YARS2: variants seen among roughly 807,000 people sequenced by gnomAD.
YARS2 encodes the protein tyrosine--tRNA ligase, mitochondrial.
YARS2 carries 38 observed loss-of-function variants against 45.0 expected under a neutral mutation model. The observed-to-expected ratio is 0.84, with a 90% CI of 0.65 to 1.11. The LOEUF is 1.11. YARS2 is among the 50% of genes least tolerant of loss of function. The pLI, the probability that YARS2 is intolerant of heterozygous loss-of-function variation, is 0.00. For synonymous variants in YARS2, 287 were observed against 245.1 expected (o/e 1.17, Z -1.60); for missense variants, 602 against 599.8 (o/e 1.00, Z -0.04).
At chr12:32,748,537 C>A (rs1335399961) in intron 4 of YARS2, among the ~76,000 whole-genome samples, 2 of 152,042 alleles carry the variant, frequency 1.3e-5, no homozygotes, top group Non-Finnish European at 2.9e-5. Context: ...AGTGGTAAAG[C>A]TTCCAGTATT....
intron 2 of YARS2, among the ~76,000 whole-genome samples, chr12:32,751,420 C>T (rs1955742813): frequency 6.6e-6 from 1 of 151,954 alleles, no homozygotes; most frequent in African/African-American, 2.4e-5. Context: ...GGCCGCAGTC[C>T]AATCACATTC....
At position 32,755,467 on chromosome 12, in the gene YARS2, G is replaced by A; in HGVS notation, c.408C>T (p.Arg136=). ...TKEREALETE[R]VRANARALRL... ...GCAGAGCTCGCGCGTTGGCTCGCAC[G>A]CGCTCTGTCTCCAGCGCCTCGCGTT... Residue 136 remains arginine, a synonymous_variant, in exon 1 of 5, where the codon CGC becomes CGT. Transcript: ENST00000324868. 1 of 1,612,412 alleles carries A rather than the reference G, an allele frequency of 6.2e-7. No individual in the cohort carries two copies. Among genetic ancestry groups the A allele is most frequent in the Non-Finnish European group, 8.5e-7 (1 of 1,179,528 alleles).
chr12:32,755,009 G>T, intron 1 of YARS2, 87 bp downstream of exon 1: 1 of 1,549,440 alleles, frequency 6.5e-7, no homozygotes. Context: ...ACGAAGGGCA[G>T]CAACTACAAT....
chr12:32,750,846 G>A lies in YARS2; in HGVS notation c.976C>T (p.Leu326Phe), dbSNP rs183321767. The A allele has an allele frequency of 1.2e-6, 2 of 1,614,090 alleles. No homozygotes were observed. The highest frequency in any genetic ancestry group is 2.7e-5 in the African/African-American group (2 of 75,030). ...RYLKLFTFLP[L>F]PEIDHIMQLH... Reference sequence around the variant, plus strand: ...TGCATGATATGATCAATCTCTGGAAGGGGCAGGAAAGTGAACAGCTTCAGG... The same window carrying A: ...TGCATGATATGATCAATCTCTGGAAAGGGCAGGAAAGTGAACAGCTTCAGG... The change falls in exon 3 of 5, where the codon CTT becomes TTT. Residue 326 changes from leucine (L) to phenylalanine (F), a missense_variant. Transcript: ENST00000324868.
chr12:32,750,684 C>G (rs781258183), intron 3 of YARS2, 35 bp downstream of exon 3: 4 of 1,608,314 alleles, frequency 2.5e-6, no homozygotes, highest in Non-Finnish European at 3.4e-6. Flanking sequence ...CACTGAATAA[C>G]TAACTATCAA....
intron 4 of YARS2, among the ~76,000 whole-genome samples, chr12:32,749,328 G>GAT (rs1955696016): frequency 6.6e-6 from 1 of 152,140 alleles, no homozygotes; most frequent in Admixed American, 6.5e-5. Context: ...GCCGTACACT[G>GAT]ATGCCAGTGT....
intron 2 of YARS2, among the ~76,000 whole-genome samples, chr12:32,751,079 T>C (rs1055767566): frequency 6.6e-6 from 1 of 151,778 alleles, no homozygotes; most frequent in African/African-American, 2.4e-5. Flanking sequence ...TTCTTTTTTT[T>C]TTTTTTGAGA....
chr12:32,747,493 C>G lies in YARS2; in HGVS notation c.1275-130G>C, dbSNP rs1242481393. ...GATTTCATTTGGCACTGGACTGTTA[C>G]CTTCATGTTTGCTCTATTATTAATA... On this transcript the variant is annotated intron_variant, in intron 4 of 4. Transcript: ENST00000324868. 6.8e-6 allele frequency: 6 copies of G among 888,168 alleles called. No individual in the cohort carries two copies. In the African/African-American group the frequency reaches 8.4e-5, roughly 12 times the overall value. 55.0% of individuals were successfully genotyped at this position (888,168 alleles called of 1,614,324 possible).
chr12:32,750,944 T>C, intron 2 of YARS2, 70 bp from the exon 3 acceptor site: 5 of 1,560,120 alleles, frequency 3.2e-6, no homozygotes, highest in Non-Finnish European at 4.4e-6. Flanking sequence ...TCTTCTACCC[T>C]TTAAGGTTAT....
chr12:32,754,944 G>C, intron 1 of YARS2, 152 bp downstream of exon 1: 1 of 950,770 alleles, frequency 1.1e-6, no homozygotes, highest in Non-Finnish European at 1.7e-6. Context: ...TTATTAGCCA[G>C]TGTTATTAAC....
chr12:32,751,876 G>A lies in YARS2; in HGVS notation c.948-1002C>T, dbSNP rs189103631. ...CTGTTGCGCAGCCCTGTTCCTAACAGGCCACGGACTGGTACAGTCCAACAG... is the reference window on the plus strand; with the variant it reads ...CTGTTGCGCAGCCCTGTTCCTAACAAGCCACGGACTGGTACAGTCCAACAG... On this transcript the variant is annotated intron_variant, in intron 2 of 4. Transcript: ENST00000324868. Among the ~76,000 whole-genome samples, 13 of 152,312 alleles carry A rather than the reference G, an allele frequency of 8.5e-5. No individual in the cohort carries two copies. The East Asian group carries it at 1.9e-3, about 23-fold the overall frequency.
Position 32,750,811 on chromosome 12 carries a change from G to C in YARS2, c.1011C>G (p.Val337=). ...GAGGACCCCGCCTTTCTGGCTCTTT[G>C]ACATGCAGCTGCATGATATGATCAA... is the stretch of plus-strand genomic sequence containing the variant. ...PEIDHIMQLH[V]KEPERRGPQK... is the part of the protein sequence containing the mutation. Residue 337 remains valine (V), a synonymous_variant, in exon 3 of 5, where the codon GTC becomes GTG. Transcript: ENST00000324868. 2 of 1,614,150 alleles carry C rather than the reference G, an allele frequency of 1.2e-6. No individual in the cohort carries two copies. The highest frequency in any genetic ancestry group is 2.2e-5 in the South Asian group (2 of 91,078).
In YARS2 at chr12:32,755,527, C is replaced by CGTGGCGCCTCCCACCAGCGCGATCACGTT; in HGVS notation, c.319_347dup (p.Ala117ThrfsTer2). 6.2e-7 allele frequency: 1 copy of CGTGGCGCCTCCCACCAGCGCGATCACGTT among 1,613,086 alleles called. No homozygotes were observed. Among genetic ancestry groups the CGTGGCGCCTCCCACCAGCGCGATCACGTT allele is most frequent in the Non-Finnish European group, 8.5e-7 (1 of 1,179,722 alleles). On this transcript the variant is annotated stop_gained and frameshift_variant, in exon 1 of 5. Transcript: ENST00000324868. LOFTEE classifies it high-confidence loss of function. ...GGCCGCTCGGGTCTCCCAGGCGCGCCGTGGCGCCTCCCACCAGCGCGATCA... is the reference window on the plus strand; with the variant it reads ...GGCCGCTCGGGTCTCCCAGGCGCGCCGTGGCGCCTCCCACCAGCGCGATCACGTTGTGGCGCCTCCCACCAGCGCGATCA...
chr12:32,750,084 C>T lies in YARS2; in HGVS notation c.1127G>A (p.Ser376Asn). 3 of 1,614,070 alleles carry T rather than the reference C, an allele frequency of 1.9e-6. No individual in the cohort carries two copies. Among genetic ancestry groups the T allele is most frequent in the South Asian group, 1.1e-5 (1 of 91,086 alleles). The change falls in exon 4 of 5, where the codon AGT (serine) becomes AAT (asparagine). Residue 376 changes from serine to asparagine, a missense_variant. Coordinates refer to ENST00000324868, the MANE Select transcript of YARS2 (RefSeq NM_001040436.3). The stretch of plus-strand genomic sequence containing the variant: ...CATGACCTCCAGTGCATCTATGCTA[C>T]TGTGATAAAGGGCTTGTGTACACCT... ...AKRCTQALYH[S>N]SIDALEVMSD... is the part of the protein sequence containing the mutation.
At chr12:32,751,573 G>A (rs997778663) in intron 2 of YARS2, among the ~76,000 whole-genome samples, 5 of 152,116 alleles carry the variant, frequency 3.3e-5, no homozygotes, top group African/African-American at 1.2e-4. Flanking sequence ...ATCATGCTCT[G>A]CATAATGATG....
At position 32,750,716 on chromosome 12, in the gene YARS2, T is replaced by C. The variant is rs372669844; in HGVS notation, c.1103+3A>G. 44 of 1,613,700 alleles carry C rather than the reference T, an allele frequency of 2.7e-5. No homozygotes were observed. In the East Asian group the frequency reaches 7.8e-4, roughly 29 times the overall value. ...TCAAGTGTTAATCATACTAAACTAC[T>C]ACCTTTTAGCAGAATCCAATCCTTC... On this transcript the variant is annotated splice_donor_region_variant and intron_variant, in intron 3 of 4. Coordinates refer to ENST00000324868, the MANE Select transcript of YARS2 (RefSeq NM_001040436.3).
At position 32,755,280 on chromosome 12, in the gene YARS2, G is replaced by A. The variant is rs1162879497; in HGVS notation, c.595C>T (p.Leu199=). The part of the protein sequence containing the change: ...VGGHFRMGTL[L]SRQSVQLRLK... ...CGCAGCTGCACGCTCTGCCGGCTCA[G>A]CAGCGTCCCCATGCGGAAGTGACCC... Residue 199 remains leucine, a synonymous_variant, in exon 1 of 5, where the codon CTG becomes TTG. Transcript: ENST00000324868. The A allele has an allele frequency of 1.2e-6, 2 of 1,614,046 alleles. No homozygotes were observed. The highest frequency in any genetic ancestry group is 2.2e-5 in the East Asian group (1 of 44,886).
chr12:32,754,162 C>T, intron 1 of YARS2, 77 bp from the exon 2 acceptor site: 3 of 1,564,078 alleles, frequency 1.9e-6, no homozygotes, highest in African/African-American at 2.7e-5. Context: ...TTCCAGATTT[C>T]TTTCTGGTTA....
rs549798224 is a variant in YARS2 at position 32,753,840 on chromosome 12, T to C, written c.947+78A>G. On this transcript the variant is annotated intron_variant, in intron 2 of 4. Transcript: ENST00000324868. ...CGTTAAAAACAAAAAAACTATAAAA[T>C]GTACATAGATTCAATGGCTAAAATT... 4.6e-5 allele frequency: 73 copies of C among 1,574,998 alleles called. 2 individuals are homozygous for C. In the South Asian group the frequency reaches 7.3e-4, roughly 16 times the overall value.
Sources: allele counts gnomAD v4.1 joint callset (sites outside exome capture counted in the v4.1 genomes callset), GRCh38; gene constraint gnomAD v4.1.1; transcripts MANE v1.5; gene names NCBI Gene and HGNC (gene_info 2026-07-23, HGNC 2026-07-21).